DLGAP1: variants seen among roughly 807,000 people sequenced by gnomAD.
The protein encoded by DLGAP1 is disks large-associated protein 1.
A neutral mutation model predicts 90.8 loss-of-function variants in DLGAP1; 11 were observed. That is an observed-to-expected ratio of 0.12 (90% CI 0.08 to 0.20). The LOEUF (loss-of-function observed/expected upper bound fraction) is 0.20. Ranked by LOEUF, DLGAP1 falls within the 10% of genes least tolerant of loss-of-function variation. DLGAP1 has a pLI of 1.00. For synonymous variants in DLGAP1, 558 were observed against 540.7 expected (o/e 1.03, Z -0.44); for missense variants, 1,050 against 1,333.8 (o/e 0.79, Z 3.31).
At chr18:3,815,534 C>T (rs1402223152) in intron 4 of DLGAP1, among the ~76,000 whole-genome samples, 1 of 152,094 alleles carries the variant, frequency 6.6e-6, no homozygotes, top group East Asian at 1.9e-4. Flanking sequence ...TTTTGCTTTG[C>T]TGGATCCTAC....
intron 1 of DLGAP1, among the ~76,000 whole-genome samples, chr18:4,377,580 T>C (rs1408494340): frequency 6.6e-6 from 1 of 152,184 alleles, no homozygotes; most frequent in East Asian, 1.9e-4. Flanking sequence ...TAAATTAACT[T>C]AATCTTCAGT....
intron 1 of DLGAP1, among the ~76,000 whole-genome samples, chr18:4,406,066 C>T (rs185086149): frequency 1.3e-5 from 2 of 152,102 alleles, no homozygotes; most frequent in African/African-American, 2.4e-5. Flanking sequence ...TAAGTGAAGG[C>T]GTGGCCTGCA....
intron 6 of DLGAP1, among the ~76,000 whole-genome samples, chr18:3,738,620 T>C (rs1454101140): frequency 1.5e-4 from 23 of 152,164 alleles, no homozygotes; most frequent in African/African-American, 5.1e-4. Flanking sequence ...ATACAAAAAT[T>C]AATTCAAGAT....
chr18:4,144,481 T>G (rs2076550997), intron 2 of DLGAP1, among the ~76,000 whole-genome samples: 1 of 152,210 alleles, frequency 6.6e-6, no homozygotes, highest in Non-Finnish European at 1.5e-5. Context: ...GGGCCCCTGC[T>G]GGGAGACAGG....
At chr18:3,689,501 T>A (rs1415508748) in intron 7 of DLGAP1, among the ~76,000 whole-genome samples, 5 of 152,230 alleles carry the variant, frequency 3.3e-5, no homozygotes, top group Middle Eastern at 6.8e-3. Flanking sequence ...TCCTTTTTTT[T>A]AAGCAGACCT....
intron 1 of DLGAP1, among the ~76,000 whole-genome samples, chr18:4,267,819 T>C (rs1208785788): frequency 1.3e-5 from 2 of 152,158 alleles, no homozygotes; most frequent in African/African-American, 2.4e-5. Context: ...CCTCACTGCG[T>C]AGGTCTCTCC....
At chr18:3,990,628 T>TAATA (rs2073946775) in intron 3 of DLGAP1, among the ~76,000 whole-genome samples, 4 of 143,246 alleles carry the variant, frequency 2.8e-5, no homozygotes, top group African/African-American at 1.0e-4. Flanking sequence ...AAACTTAAAA[T>TAATA]ATAATAATAA....
intron 1 of DLGAP1, among the ~76,000 whole-genome samples, chr18:4,392,371 G>T (rs1274628618): frequency 6.6e-6 from 1 of 151,908 alleles, no homozygotes; most frequent in African/African-American, 2.4e-5. Context: ...AAATGTGAGT[G>T]AAAATACACC....
chr18:4,052,033 C>T (rs2075141065), intron 2 of DLGAP1, among the ~76,000 whole-genome samples: 1 of 152,206 alleles, frequency 6.6e-6, no homozygotes, highest in South Asian at 2.1e-4. Context: ...CAGCTCTGCC[C>T]CTGTGGCTTT....
At chr18:4,214,128 A>G (rs1444409682) in intron 1 of DLGAP1, among the ~76,000 whole-genome samples, 1 of 152,130 alleles carries the variant, frequency 6.6e-6, no homozygotes, top group Non-Finnish European at 1.5e-5. Context: ...AGGACTTTGG[A>G]CTTTATTTGT....
At chr18:3,989,533 G>A (rs1405926473) in intron 3 of DLGAP1, among the ~76,000 whole-genome samples, 1 of 152,076 alleles carries the variant, frequency 6.6e-6, no homozygotes, top group Non-Finnish European at 1.5e-5. Flanking sequence ...GAACAGATGA[G>A]CTTTATTCAG....
rs561935139 is a variant in DLGAP1, at chr18:4,084,707, A to G, written c.-159+66473T>C. On this transcript the variant is annotated intron_variant, in intron 2 of 12. Transcript: ENST00000315677. This position sits in a 1 kb window ranked among gnomAD's most constrained non-coding sequence, Gnocchi z 4.0. ...ACTTATTTACCAAACTTAGCATAAAAATACATGGGGTTACTTATTTCTTTG... is the reference window on the plus strand; with the variant it reads ...ACTTATTTACCAAACTTAGCATAAAGATACATGGGGTTACTTATTTCTTTG... Among the ~76,000 whole-genome samples the G allele has an allele frequency of 6.6e-6, 1 of 152,334 alleles. No homozygotes were observed. The highest frequency in any genetic ancestry group is 2.1e-4 in the South Asian group (1 of 4,822).
intron 1 of DLGAP1, among the ~76,000 whole-genome samples, chr18:4,418,566 G>A (rs11081109): frequency 0.41 from 62,127 of 151,974 alleles, 12,923 homozygotes; most frequent in African/African-American, 0.49. Context: ...TAACAGAGAC[G>A]AAGAATGCTT....
At position 3,657,728 on chromosome 18, in the gene DLGAP1, G is replaced by A. The variant is rs991017318; in HGVS notation, c.1591+71407C>T. 2.0e-5 allele frequency among the ~76,000 whole-genome samples: 3 copies of A among 151,044 alleles called. No individual in the cohort carries two copies. The Admixed American group carries it at 2.0e-4, about 10-fold the overall frequency. On this transcript the variant is annotated intron_variant, in intron 7 of 12. Coordinates refer to ENST00000315677, the MANE Select transcript of DLGAP1 (RefSeq NM_004746.4). ...CGCCATTCTCCTGCCTCAGCCTCCC[G>A]AATAGCTGGTACTACAGGCGCCCGC...
chr18:4,193,996 AT>A (rs889476308), intron 1 of DLGAP1, among the ~76,000 whole-genome samples: 13 of 151,904 alleles, frequency 8.6e-5, no homozygotes, highest in African/African-American at 3.1e-4. Context: ...TAATTTCAAA[AT>A]TTTTTTTCAA....
chr18:4,391,607 AC>A (rs2082342058), intron 1 of DLGAP1, among the ~76,000 whole-genome samples: 1 of 152,136 alleles, frequency 6.6e-6, no homozygotes, highest in Non-Finnish European at 1.5e-5. Context: ...ATAGCCCATA[AC>A]ATCCCTTTTG....
intron 7 of DLGAP1, among the ~76,000 whole-genome samples, chr18:3,710,491 C>G (rs1242564146): frequency 6.6e-6 from 1 of 152,214 alleles, no homozygotes; most frequent in African/African-American, 2.4e-5. Flanking sequence ...CCCCACTGTT[C>G]CCAGAAAAGC....
At chr18:4,036,569 G>A (rs2074892286) in intron 2 of DLGAP1, among the ~76,000 whole-genome samples, 1 of 152,162 alleles carries the variant, frequency 6.6e-6, no homozygotes, top group Admixed American at 6.5e-5. Context: ...TCTTTGCCAA[G>A]ACACGTGATT....
At chr18:3,521,113 C>A (rs1240197249) in intron 10 of DLGAP1, among the ~76,000 whole-genome samples, 10 of 152,178 alleles carry the variant, frequency 6.6e-5, no homozygotes, top group Non-Finnish European at 1.0e-4. Context: ...GTACTGACCC[C>A]AGACGCTTTA....
Sources: allele counts gnomAD v4.1 joint callset (sites outside exome capture counted in the v4.1 genomes callset), GRCh38; gene constraint gnomAD v4.1.1; non-coding constraint Gnocchi (gnomAD v3.1); transcripts MANE v1.5; gene names NCBI Gene and HGNC (gene_info 2026-07-23, HGNC 2026-07-21).